The following CSMD1 variants were observed in gnomAD, a reference collection of about 807,000 sequenced individuals.
CSMD1 encodes CUB and sushi domain-containing protein 1.
A neutral mutation model predicts 417.5 loss-of-function variants in CSMD1; 213 were observed. That is an observed-to-expected ratio of 0.51 (90% confidence interval 0.46 to 0.57). CSMD1 has a LOEUF of 0.57. Among genes scored for constraint, CSMD1 ranks in the 20% least tolerant of loss-of-function variants. The pLI, the probability that CSMD1 is intolerant of heterozygous loss-of-function variation, is 0.00. For missense variants in CSMD1, 6,923 were observed against 4,529.7 expected, an observed-to-expected ratio of 1.53 and a Z score of -15.17; for synonymous variants, 2,862 against 1,736.8, an observed-to-expected ratio of 1.65 and a Z score of -16.11.
In CSMD1 at chr8:3,348,123, A is replaced by C. The variant is rs761211405; in HGVS notation, c.3343T>G (p.Leu1115Val). 1 of 1,612,588 alleles carries C rather than the reference A, an allele frequency of 6.2e-7. No homozygotes were observed. The highest frequency in any genetic ancestry group is 8.5e-7 in the Non-Finnish European group (1 of 1,179,268). Residue 1115 changes from leucine (L) to valine (V), a missense_variant, in exon 22 of 70, where the codon TTA (leucine) becomes GTA (valine). Physicochemically the swap from Leu to Val is conservative, Grantham distance 32. Coordinates refer to ENST00000635120, the MANE Select transcript of CSMD1 (RefSeq NM_033225.6). Reference sequence around the variant, plus strand: ...TTGGATGGAAAATTTGGAGACAGTAATGTTCCTTCATTTCCTTTGACACTT... The same window carrying C: ...TTGGATGGAAAATTTGGAGACAGTACTGTTCCTTCATTTCCTTTGACACTT... Reference protein sequence around the residue: ...GASVKGNEGTLLSPNFPSNYD... With the variant: ...GASVKGNEGTVLSPNFPSNYD...
Position 3,281,978 on chromosome 8 carries a change from C to T in CSMD1, c.4153+2166G>A, listed in dbSNP as rs533045262. 3.8e-4 allele frequency among the ~76,000 whole-genome samples: 58 copies of T among 152,238 alleles called. 1 individual carries two copies. The South Asian group carries it at 0.01, about 27-fold the overall frequency. On this transcript the variant is annotated intron_variant, in intron 26 of 69. Coordinates refer to ENST00000635120, the MANE Select transcript of CSMD1 (RefSeq NM_033225.6). ...TCCGCTTCACTCTGTCTTTCCCCTT[C>T]CCCGGTCGTGGAAGATGTGACTGCT...
At chr8:3,808,218 T>A (rs1180587538) in intron 5 of CSMD1, among the ~76,000 whole-genome samples, 1 of 152,176 alleles carries the variant, frequency 6.6e-6, no homozygotes, top group South Asian at 2.1e-4. Flanking sequence ...ATCTAAAATA[T>A]ACTAAGAGAT....
In CSMD1 at chr8:4,217,501, G is replaced by A. The variant is rs549523803; in HGVS notation, c.416-185402C>T. Among the ~76,000 whole-genome samples the A allele has an allele frequency of 3.3e-5, 5 of 152,198 alleles. No individual in the cohort carries two copies. The South Asian group carries it at 1.0e-3, about 32-fold the overall frequency. The stretch of plus-strand genomic sequence containing the variant: ...GGTAAGGGTCACATGACTCGTCCCT[G>A]GCATCAAGGGGAGGGAGAAGGTGGT... On this transcript the variant is annotated intron_variant, in intron 3 of 69. Coordinates refer to ENST00000635120, the MANE Select transcript of CSMD1 (RefSeq NM_033225.6).
intron 4 of CSMD1, among the ~76,000 whole-genome samples, chr8:4,000,221 G>A (rs1050788649): frequency 9.9e-5 from 15 of 151,388 alleles, no homozygotes; most frequent in Admixed American, 2.6e-4. Context: ...ACAGCCGAAT[G>A]TCTCTCCTGC....
In CSMD1 at chr8:3,494,648, G is replaced by A. The variant is rs561367393; in HGVS notation, c.1345-922C>T. ...TAGATGACAGACTGGATGGATGGAT[G>A]GGTGGATGGAAAAATGACAGACGAT... is the stretch of plus-strand genomic sequence containing the variant. On this transcript the variant is annotated intron_variant, in intron 10 of 69. Transcript: ENST00000635120. Among the ~76,000 whole-genome samples, 22 of 152,114 alleles carry A rather than the reference G, an allele frequency of 1.4e-4. No individual in the cohort carries two copies. The South Asian group carries it at 4.4e-3, about 30-fold the overall frequency.
intron 35 of CSMD1, among the ~76,000 whole-genome samples, chr8:3,188,472 A>G (rs1204032293): frequency 6.6e-6 from 1 of 151,472 alleles, no homozygotes; most frequent in African/African-American, 2.4e-5. Context: ...ATGCCTGGCT[A>G]GTTTTTATAT....
intron 5 of CSMD1, among the ~76,000 whole-genome samples, chr8:3,849,555 G>A (rs562394985): frequency 2.0e-4 from 31 of 152,270 alleles, no homozygotes; most frequent in African/African-American, 6.3e-4. Flanking sequence ...ATTGGTATCT[G>A]CAATTCAAAT....
intron 2 of CSMD1, among the ~76,000 whole-genome samples, chr8:4,457,183 A>C (rs1380801367): frequency 6.6e-6 from 1 of 152,104 alleles, no homozygotes; most frequent in African/African-American, 2.4e-5. Flanking sequence ...TAGATGTGAA[A>C]TGTGTCCTGT....
intron 3 of CSMD1, among the ~76,000 whole-genome samples, chr8:4,096,767 T>G (rs1249570521): frequency 4.6e-5 from 7 of 151,956 alleles, no homozygotes; most frequent in African/African-American, 1.7e-4. Flanking sequence ...TCCCTGCAAT[T>G]TAGAAGACAC....
intron 4 of CSMD1, among the ~76,000 whole-genome samples, chr8:4,018,407 C>G (rs1026045009): frequency 6.6e-6 from 1 of 152,116 alleles, no homozygotes; most frequent in African/African-American, 2.4e-5. Flanking sequence ...TGCCTCGATT[C>G]CTGTTCTCTC....
intron 1 of CSMD1, among the ~76,000 whole-genome samples, chr8:4,714,894 T>C (rs1350340198): frequency 1.3e-5 from 2 of 152,238 alleles, no homozygotes; most frequent in African/African-American, 2.4e-5. Flanking sequence ...AGAATAATTG[T>C]ATAATTTGAC....
At chr8:3,817,738 G>C (rs184589609) in intron 5 of CSMD1, among the ~76,000 whole-genome samples, 1 of 152,250 alleles carries the variant, frequency 6.6e-6, no homozygotes, top group Non-Finnish European at 1.5e-5. Context: ...GAGCTAAGGA[G>C]AAATAACTTC....
intron 1 of CSMD1, among the ~76,000 whole-genome samples, chr8:4,949,163 C>G (rs1193755330): frequency 1.3e-5 from 2 of 152,050 alleles, no homozygotes; most frequent in Non-Finnish European, 2.9e-5. Context: ...TTAGGATAAA[C>G]TCAAGTTTAT....
intron 5 of CSMD1, chr8:3,949,874 A>G: frequency 4.4e-6 from 2 of 455,614 alleles, no homozygotes; most frequent in Non-Finnish European, 8.8e-6. Flanking sequence ...CTCCTCATTC[A>G]GCCCCAATTC....
intron 5 of CSMD1, among the ~76,000 whole-genome samples, chr8:3,798,609 G>A (rs1190261971): frequency 6.6e-6 from 1 of 152,004 alleles, no homozygotes; most frequent in African/African-American, 2.4e-5. Context: ...TATTAACTTT[G>A]CTTCCATGAA....
intron 3 of CSMD1, among the ~76,000 whole-genome samples, chr8:4,048,597 C>G (rs1798268073): frequency 6.6e-6 from 1 of 152,192 alleles, no homozygotes; most frequent in African/African-American, 2.4e-5. Context: ...AGTTTGTATA[C>G]AAACAGCACA....
chr8:4,898,466 G>C (rs1015627726), intron 1 of CSMD1, among the ~76,000 whole-genome samples: 3 of 151,546 alleles, frequency 2.0e-5, no homozygotes, highest in Admixed American at 6.5e-5. Flanking sequence ...GTGTAAGTGA[G>C]AGCCGACCAA....
chr8:4,629,392 C>T (rs557661991), intron 2 of CSMD1, among the ~76,000 whole-genome samples: 4 of 152,086 alleles, frequency 2.6e-5, no homozygotes, highest in East Asian at 1.9e-4. Context: ...TAACTTGGTT[C>T]GAATATACTT....
chr8:3,867,639 A>G (rs940693309), intron 5 of CSMD1, among the ~76,000 whole-genome samples: 3 of 152,068 alleles, frequency 2.0e-5, no homozygotes, highest in Admixed American at 6.6e-5. Flanking sequence ...TTATATATCT[A>G]TATCTATGTA....
Sources: gnomAD v4.1 joint callset for allele counts (sites outside exome capture counted in the v4.1 genomes callset) on GRCh38, gnomAD v4.1.1 for gene constraint, MANE v1.5 for transcripts, NCBI Gene and HGNC (gene_info 2026-07-23, HGNC 2026-07-21) for gene names.